Variants in ACOX2 observed in about 807,000 individuals in gnomAD.
ACOX2 encodes peroxisomal acyl-coenzyme A oxidase 2.
ACOX2 carries 59 observed loss-of-function variants against 77.5 expected under a neutral mutation model. That is an observed-to-expected ratio of 0.76 (90% CI 0.62 to 0.95). The LOEUF (loss-of-function observed/expected upper bound fraction) is 0.95, where lower values mean the gene tolerates loss of function less well. ACOX2 is among the 40% of genes least tolerant of loss of function. The pLI, the probability that ACOX2 is intolerant of heterozygous loss-of-function variation, is 0.00. For missense variants in ACOX2, 837 were observed against 880.4 expected (o/e 0.95, Z 0.62); for synonymous variants, 317 against 340.1 (o/e 0.93, Z 0.75).
intron 7 of ACOX2, 109 bp from the exon 8 acceptor site, chr3:58,530,747 C>T (rs934708996): frequency 2.4e-5 from 32 of 1,311,212 alleles, no homozygotes; most frequent in Middle Eastern, 1.9e-4. Context: ...GCCCCTCAAC[C>T]GGCGCATCTG....
chr3:58,517,524 T>A, intron 12 of ACOX2, 101 bp from the exon 13 acceptor site: 1 of 1,133,938 alleles, frequency 8.8e-7, no homozygotes, highest in Non-Finnish European at 1.3e-6. Flanking sequence ...TGAGGCATGA[T>A]GTGCTTCCCA....
At position 58,526,596 on chromosome 3, in the gene ACOX2, C is replaced by G. The variant is rs142358437; in HGVS notation, c.1216G>C (p.Glu406Gln). 81 of 1,614,222 alleles carry G rather than the reference C, an allele frequency of 5.0e-5. No homozygotes were observed. The African/African-American group carries it at 9.3e-4, about 19-fold the overall frequency. ...MMSEFCTQGA[E>Q]MCRRACGGHG... ...CCGCCACAGGCCCTGCGGCACATCT[C>G]AGCTCCCTGGGTGCAGAATTCTGAC... Residue 406 changes from glutamate to glutamine, a missense_variant, in exon 10 of 15, where the codon GAG becomes CAG. Transcript: ENST00000302819. The surrounding 1 kb of genome is among the most constrained non-coding windows in gnomAD (Gnocchi z 4.3).
intron 13 of ACOX2, among the ~76,000 whole-genome samples, 196 bp from the exon 14 acceptor site, chr3:58,509,221 G>C (rs1409870414): frequency 6.8e-6 from 1 of 147,898 alleles, no homozygotes; most frequent in South Asian, 2.1e-4. Flanking sequence ...GTTCCGTAAG[G>C]CTTGTTTAAA....
At chr3:58,513,634 T>G (rs966833936) in intron 13 of ACOX2, among the ~76,000 whole-genome samples, 1 of 144,934 alleles carries the variant, frequency 6.9e-6, no homozygotes, top group Non-Finnish European at 1.5e-5. Context: ...GATATCACTG[T>G]TTTTTTTTTT....
intron 13 of ACOX2, 137 bp from the exon 14 acceptor site, chr3:58,509,162 GT>G (rs890854235): frequency 8.5e-5 from 92 of 1,081,910 alleles, no homozygotes; most frequent in Non-Finnish European, 1.2e-4. Flanking sequence ...TTTTTTTTTA[GT>G]TTTTATTTTT....
At chr3:58,507,947 C>T (rs2063246643) in intron 14 of ACOX2, among the ~76,000 whole-genome samples, 1 of 152,154 alleles carries the variant, frequency 6.6e-6, no homozygotes, top group Non-Finnish European at 1.5e-5. Context: ...GGTGTTAAGA[C>T]ACCTTTTCTG....
At chr3:58,507,684 A>G (rs1560208197) in intron 14 of ACOX2, among the ~76,000 whole-genome samples, 1 of 152,348 alleles carries the variant, frequency 6.6e-6, no homozygotes, top group East Asian at 1.9e-4. Flanking sequence ...TGTTAGATCT[A>G]ATCATTAGAA....
In ACOX2 at chr3:58,535,302, CT is replaced by C. The variant is rs1203037020; in HGVS notation, c.-91-106del. The C allele has an allele frequency of 1.6e-6, 1 of 629,292 alleles. No individual in the cohort carries two copies. The highest frequency in any genetic ancestry group is 1.8e-5 in the African/African-American group (1 of 54,720). 39.0% of individuals were successfully genotyped at this position (629,292 alleles called of 1,614,324 possible). On this transcript the variant is annotated intron_variant, in intron 1 of 14. Coordinates refer to ENST00000302819, the MANE Select transcript of ACOX2 (RefSeq NM_003500.4). This position sits in a 1 kb window ranked among gnomAD's most constrained non-coding sequence, Gnocchi z 4.8. ...ATGCCACTCCACCTCCCCACTCCCCCTGTGGACACTGGCTGTGGACCAGGCA... is the reference window on the plus strand; with the variant it reads ...ATGCCACTCCACCTCCCCACTCCCCCGTGGACACTGGCTGTGGACCAGGCA...
chr3:58,510,782 C>T (rs1472578474), intron 13 of ACOX2, among the ~76,000 whole-genome samples: 1 of 140,090 alleles, frequency 7.1e-6, no homozygotes, highest in South Asian at 2.4e-4. Flanking sequence ...TTTAGCAAAA[C>T]GCATACCTCT....
rs774132260 is a variant in ACOX2, at chr3:58,534,460, C to G, written c.223G>C (p.Glu75Gln). 12 of 1,614,050 alleles carry G rather than the reference C, an allele frequency of 7.4e-6. No individual in the cohort carries two copies. The East Asian group carries it at 2.7e-4, about 36-fold the overall frequency. Residue 75 changes from glutamate (E) to glutamine (Q), a missense_variant, in exon 3 of 15, where the codon GAG (glutamate) becomes CAG (glutamine). Physicochemically the swap from Glu to Gln is conservative, Grantham distance 29 (BLOSUM62 2). Transcript: ENST00000302819. The surrounding 1 kb of genome is among the most constrained non-coding windows in gnomAD (Gnocchi z 4.8). Reference protein sequence around the residue: ...CKDNYFMTQNERYKAAMRRAF... With the variant: ...CKDNYFMTQNQRYKAAMRRAF... Reference sequence around the variant, plus strand: ...CTCCGCATGGCAGCCTTATAACGCTCATTCTGGGTCATGAAATAATTGTCC... The same window carrying G: ...CTCCGCATGGCAGCCTTATAACGCTGATTCTGGGTCATGAAATAATTGTCC...
chr3:58,507,237 G>A (rs12635262), intron 14 of ACOX2, among the ~76,000 whole-genome samples: 4 of 152,344 alleles, frequency 2.6e-5, no homozygotes, highest in East Asian at 3.9e-4. Context: ...TTCCATAGAC[G>A]TGGAGTGTCT....
At position 58,533,448 on chromosome 3, in the gene ACOX2, C is replaced by G; in HGVS notation, c.580G>C (p.Asp194His). ...AGGGGGGTGGATGTATACTCACAGTCTCCAGGCCACCATTTGGTGGCAGTC... is the reference window on the plus strand; with the variant it reads ...AGGGGGGTGGATGTATACTCACAGTGTCCAGGCCACCATTTGGTGGCAGTC... ...TLTATKWWPG[D>H]LGRSATHALV... Residue 194 changes from aspartate (D) to histidine (H), a missense_variant, in exon 5 of 15, where the codon GAC becomes CAC. Coordinates refer to ENST00000302819, the MANE Select transcript of ACOX2 (RefSeq NM_003500.4). This position sits in a 1 kb window ranked among gnomAD's most constrained non-coding sequence, Gnocchi z 5.6. The G allele has an allele frequency of 6.2e-7, 1 of 1,613,688 alleles. No individual in the cohort carries two copies. Among genetic ancestry groups the G allele is most frequent in the Non-Finnish European group, 8.5e-7 (1 of 1,179,810 alleles).
At chr3:58,508,471 C>G (rs996686079) in intron 14 of ACOX2, among the ~76,000 whole-genome samples, 3 of 152,022 alleles carry the variant, frequency 2.0e-5, no homozygotes, top group Non-Finnish European at 2.9e-5. Context: ...CTTCCTACCA[C>G]TTCTGAATAC....
intron 1 of ACOX2, among the ~76,000 whole-genome samples, chr3:58,536,655 G>T (rs1045673891): frequency 1.4e-4 from 21 of 152,018 alleles, no homozygotes; most frequent in African/African-American, 4.6e-4. Context: ...AATGCTCCAG[G>T]CCTCCCTGCC....
Position 58,533,831 on chromosome 3 carries a change from G to A in ACOX2, c.475+163C>T, listed in dbSNP as rs2063458393. On this transcript the variant is annotated intron_variant, in intron 4 of 14. Coordinates refer to ENST00000302819, the MANE Select transcript of ACOX2 (RefSeq NM_003500.4). This position sits in a 1 kb window ranked among gnomAD's most constrained non-coding sequence, Gnocchi z 5.6. Reference sequence around the variant, plus strand: ...ATACAATACGTGCAAATTAGAAGGTGGCACCCCTTCCTCAGGACCCTTGAC... The same window carrying A: ...ATACAATACGTGCAAATTAGAAGGTAGCACCCCTTCCTCAGGACCCTTGAC... 3 of 915,748 alleles carry A rather than the reference G, an allele frequency of 3.3e-6. No homozygotes were observed. Among genetic ancestry groups the A allele is most frequent in the African/African-American group, 1.7e-5 (1 of 59,562 alleles). 56.7% of individuals were successfully genotyped at this position (915,748 alleles called of 1,614,324 possible).
rs554972913 is a variant in ACOX2, at chr3:58,512,144, C to T, written c.1851-3119G>A. Among the ~76,000 whole-genome samples the T allele has an allele frequency of 6.6e-6, 1 of 152,346 alleles. No homozygotes were observed. The highest frequency in any genetic ancestry group is 2.1e-4 in the South Asian group (1 of 4,828). ...CTGAACCCAAACTCCTTCCCGTCCA[C>T]CCTGCCCAAACCTGGGCCTCCTGTA... On this transcript the variant is annotated intron_variant, in intron 13 of 14. Coordinates refer to ENST00000302819, the MANE Select transcript of ACOX2 (RefSeq NM_003500.4). This position sits in a 1 kb window ranked among gnomAD's most constrained non-coding sequence, Gnocchi z 4.8.
chr3:58,536,609 T>C (rs2063483646), intron 1 of ACOX2, among the ~76,000 whole-genome samples: 1 of 152,172 alleles, frequency 6.6e-6, no homozygotes, highest in South Asian at 2.1e-4. Flanking sequence ...TTACCTCTTT[T>C]CCTTGCTCTG....
At position 58,531,423 on chromosome 3, in the gene ACOX2, C is replaced by A; in HGVS notation, c.704-57G>T. On this transcript the variant is annotated intron_variant, in intron 6 of 14. Transcript: ENST00000302819. The surrounding 1 kb of genome is among the most constrained non-coding windows in gnomAD (Gnocchi z 5.8). The stretch of plus-strand genomic sequence containing the variant: ...AGTTGAGAGAGTGCTTGCTATGTGG[C>A]AGGTATCATACACACATTCCAGGTC... 1 of 1,494,550 alleles carries A rather than the reference C, an allele frequency of 6.7e-7. No homozygotes were observed. The highest frequency in any genetic ancestry group is 9.3e-7 in the Non-Finnish European group (1 of 1,076,476). The allele number at this position is 1,494,550 out of a possible 1,614,324, so 92.6% of individuals were successfully genotyped here.
Position 58,534,840 on chromosome 3 carries a change from C to A in ACOX2, c.160+107G>T. 1 of 1,544,846 alleles carries A rather than the reference C, an allele frequency of 6.5e-7. No homozygotes were observed. Among genetic ancestry groups the A allele is most frequent in the Non-Finnish European group, 8.8e-7 (1 of 1,130,222 alleles). ...GAATGAATCTCTAACAGTGGAATTTCAAGGGCAAAGTTTGTTATTTGGAAG... is the reference window on the plus strand; with the variant it reads ...GAATGAATCTCTAACAGTGGAATTTAAAGGGCAAAGTTTGTTATTTGGAAG... On this transcript the variant is annotated intron_variant, in intron 2 of 14. Transcript: ENST00000302819. The surrounding 1 kb of genome is among the most constrained non-coding windows in gnomAD (Gnocchi z 4.8).
Sources: gnomAD v4.1 joint callset for allele counts (sites outside exome capture counted in the v4.1 genomes callset) on GRCh38, gnomAD v4.1.1 for gene constraint, Gnocchi (gnomAD v3.1) non-coding constraint, MANE v1.5 for transcripts, NCBI Gene and HGNC (gene_info 2026-07-23, HGNC 2026-07-21) for gene names.